The following RAG1 variants were observed in gnomAD, a reference collection of about 807,000 sequenced individuals.
The protein encoded by RAG1 is V(D)J recombination-activating protein 1.
In RAG1, 35 loss-of-function variants were observed where a neutral mutation model predicts 62.7. That is an observed-to-expected ratio of 0.56 (90% CI 0.43 to 0.74). The LOEUF (loss-of-function observed/expected upper bound fraction) is 0.74, where lower values mean the gene tolerates loss of function less well. Among genes scored for constraint, RAG1 ranks in the 30% least tolerant of loss-of-function variants. The probability of loss-of-function intolerance (pLI) is 0.00; values close to 1 mark genes in which losing one functional copy is unlikely to be tolerated. For synonymous variants in RAG1, 461 were observed against 470.3 expected, an observed-to-expected ratio of 0.98 and a Z score of 0.26; for missense variants, 1,169 against 1,278.6, an observed-to-expected ratio of 0.91 and a Z score of 1.31.
chr11:36,547,096 G>A (rs573356711), intron 3 of RAG1, among the ~76,000 whole-genome samples: 1 of 151,732 alleles, frequency 6.6e-6, no homozygotes, highest in East Asian at 1.9e-4. Context: ...GAATTTGAAT[G>A]TTGGCCTGTC....
chr11:36,526,304 A>G (rs905019250), intron 2 of RAG1, among the ~76,000 whole-genome samples: 3 of 135,168 alleles, frequency 2.2e-5, no homozygotes, highest in Non-Finnish European at 4.6e-5. Flanking sequence ...TCATTATCCA[A>G]CTGCCAATTA....
chr11:36,543,413 C>A (rs1485065949), intron 3 of RAG1, among the ~76,000 whole-genome samples: 1 of 152,262 alleles, frequency 6.6e-6, no homozygotes, highest in Non-Finnish European at 1.5e-5. Flanking sequence ...AGGCCACATG[C>A]CGGCATGCCA....
intron 2 of RAG1, among the ~76,000 whole-genome samples, chr11:36,520,590 C>T (rs1005208067): frequency 6.6e-6 from 1 of 152,076 alleles, no homozygotes; most frequent in South Asian, 2.1e-4. Context: ...AAAGGCTATT[C>T]AAATGTAGTG....
chr11:36,516,572 T>G (rs1162142080), intron 1 of RAG1, among the ~76,000 whole-genome samples: 1 of 152,246 alleles, frequency 6.6e-6, no homozygotes, highest in Admixed American at 6.5e-5. Flanking sequence ...TCCACCTGCC[T>G]CGGCCTCCCA....
At chr11:36,549,598 TA>T (rs746788734) in intron 3 of RAG1, among the ~76,000 whole-genome samples, 2 of 152,312 alleles carry the variant, frequency 1.3e-5, no homozygotes, top group African/African-American at 4.8e-5. Flanking sequence ...TGGCGATCAT[TA>T]AAACGTCAGG....
At position 36,543,192 on chromosome 11, in the gene RAG1, G is replaced by C. The variant is rs141349328; in HGVS notation, c.-412+7158G>C. On this transcript the variant is annotated intron_variant and NMD_transcript_variant, in intron 3 of 9. Transcript: ENST00000534663. ...CTGGCTGACCCTCTCAGGGTCTTAG[G>C]TATAGCCTTGATTAGACCCCAGTCT... 2.6e-3 allele frequency among the ~76,000 whole-genome samples: 397 copies of C among 152,244 alleles called. 2 individuals are homozygous for C. Among genetic ancestry groups the C allele is most frequent in the African/African-American group, 9.2e-3 (381 of 41,554 alleles).
intron 2 of RAG1, among the ~76,000 whole-genome samples, chr11:36,534,236 T>A (rs7931252): frequency 0.47 from 71,050 of 152,068 alleles, 18,046 homozygotes; most frequent in African/African-American, 0.67. Flanking sequence ...AAATTTTCAG[T>A]TTCATTACCA....
At chr11:36,536,676 T>C (rs180764407), downstream of RAG1, among the ~76,000 whole-genome samples, 71 of 151,582 alleles carry the variant, frequency 4.7e-4, no homozygotes, top group African/African-American at 1.6e-3. Flanking sequence ...GATGAGGATA[T>C]ATAAAGTAAA....
At chr11:36,532,208 A>G (rs528745795) in intron 2 of RAG1, among the ~76,000 whole-genome samples, 1 of 152,202 alleles carries the variant, frequency 6.6e-6, no homozygotes, top group South Asian at 2.1e-4. Flanking sequence ...TGGAGAAAAA[A>G]CTGAAAGTTA....
chr11:36,548,456 C>T (rs1411569783), intron 3 of RAG1, among the ~76,000 whole-genome samples: 2 of 152,146 alleles, frequency 1.3e-5, no homozygotes, highest in Non-Finnish European at 2.9e-5. Context: ...GCAAAAATCA[C>T]AAGCATTCCT....
In RAG1 at chr11:36,578,320, T is replaced by A. The variant is rs548122430; in HGVS notation, c.*1884T>A. 4 of 166,992 alleles carry A rather than the reference T, an allele frequency of 2.4e-5. No individual in the cohort carries two copies. Among genetic ancestry groups the A allele is most frequent in the Non-Finnish European group, 5.9e-5 (4 of 68,114 alleles). The allele number at this position is 166,992 out of a possible 1,614,324, so 10.3% of individuals were successfully genotyped here. A position where few individuals can be genotyped will look rare whatever the true frequency, so the allele number is the denominator to read the frequency against. On this transcript the variant is annotated 3_prime_UTR_variant, in exon 2 of 2. Transcript: ENST00000299440. ...TGCAGAATATCAAAGTCATTTCTAATTTAGTTGTCAAAAACATATACATAT... is the reference window on the plus strand; with the variant it reads ...TGCAGAATATCAAAGTCATTTCTAAATTAGTTGTCAAAAACATATACATAT...
intron 2 of RAG1, among the ~76,000 whole-genome samples, chr11:36,522,090 G>A (rs1860089029): frequency 6.6e-6 from 1 of 152,154 alleles, no homozygotes; most frequent in Admixed American, 6.5e-5. Context: ...CATTTTCTGA[G>A]GAGAAATTTA....
In RAG1 at chr11:36,576,452, A is replaced by G; in HGVS notation, c.*16A>G. The G allele has an allele frequency of 1.9e-6, 3 of 1,613,834 alleles. No individual in the cohort carries two copies. The highest frequency in any genetic ancestry group is 2.2e-5 in the East Asian group (1 of 44,876). Reference sequence around the variant, plus strand: ...GGAATTTTAAGTAGGGCAACCACTTATGAGTTGGTTTTTGCAATTGAGTTT... The same window carrying G: ...GGAATTTTAAGTAGGGCAACCACTTGTGAGTTGGTTTTTGCAATTGAGTTT... On this transcript the variant is annotated 3_prime_UTR_variant, in exon 2 of 2. Transcript: ENST00000299440.
At chr11:36,537,500 CAAATA>C (rs965662794), downstream of RAG1, among the ~76,000 whole-genome samples, 9 of 152,108 alleles carry the variant, frequency 5.9e-5, no homozygotes, top group Admixed American at 3.9e-4. Context: ...CAGAAGAAAT[CAAATA>C]AAATATCAAA....
At chr11:36,563,048 C>G (rs139494020), upstream of RAG1, among the ~76,000 whole-genome samples, 460 of 152,274 alleles carry the variant, frequency 3.0e-3, 2 homozygotes, top group African/African-American at 0.01. Flanking sequence ...ATCTCCTTTT[C>G]TTATAAGGAT....
chr11:36,573,297 C>T lies in RAG1; in HGVS notation c.-8C>T. On this transcript the variant is annotated 5_prime_UTR_variant, in exon 2 of 2. Transcript: ENST00000299440. ...TTGTTTTCATTGTTCTCAGGTACCTCAGCCAGCATGGCAGCCTCTTTCCCA... is the reference window on the plus strand; with the variant it reads ...TTGTTTTCATTGTTCTCAGGTACCTTAGCCAGCATGGCAGCCTCTTTCCCA... The T allele has an allele frequency of 6.2e-7, 1 of 1,614,116 alleles. No individual in the cohort carries two copies. Among genetic ancestry groups the T allele is most frequent in the Non-Finnish European group, 8.5e-7 (1 of 1,180,012 alleles).
intron 1 of RAG1, among the ~76,000 whole-genome samples, 183 bp downstream of exon 1, chr11:36,568,305 G>A (rs1850688882): frequency 1.3e-5 from 2 of 152,122 alleles, no homozygotes; most frequent in Admixed American, 1.3e-4. Context: ...TAGGGCCACT[G>A]AAGGTTCATA....
chr11:36,533,215 AG>A (rs1860280892), intron 2 of RAG1, among the ~76,000 whole-genome samples: 1 of 152,146 alleles, frequency 6.6e-6, no homozygotes, highest in African/African-American at 2.4e-5. Flanking sequence ...AAACCCGAGG[AG>A]GGGGTGCTAC....
rs530489065 is a variant in RAG1 at position 36,546,382 on chromosome 11, G to C, written c.-412+10348G>C. Among the ~76,000 whole-genome samples the C allele has an allele frequency of 2.0e-5, 3 of 152,196 alleles. No homozygotes were observed. In the South Asian group the frequency reaches 6.2e-4, roughly 32 times the overall value. ...TGTCGGTTTAAAGTCTGTTTTATTA[G>C]AGACTAGGATTGCAACCCCTGCTTT... is the stretch of plus-strand genomic sequence containing the variant. On this transcript the variant is annotated intron_variant and NMD_transcript_variant, in intron 3 of 9. Coordinates refer to the RAG1 transcript ENST00000534663.
Sources: allele counts gnomAD v4.1 joint callset (sites outside exome capture counted in the v4.1 genomes callset), GRCh38; gene constraint gnomAD v4.1.1; transcripts MANE v1.5; gene names NCBI Gene and HGNC (gene_info 2026-07-23, HGNC 2026-07-21).